The following DIAPH3 variants were observed in gnomAD, a reference collection of about 807,000 sequenced individuals.
DIAPH3 encodes the protein diaphanous related formin 3.
DIAPH3 carries 117 observed loss-of-function variants against 144.3 expected under a neutral mutation model. That is an observed-to-expected ratio of 0.81 (90% CI 0.70 to 0.95). The LOEUF (loss-of-function observed/expected upper bound fraction) is 0.95. DIAPH3 is among the 40% of genes least tolerant of loss of function. The pLI is 0.00. For missense variants in DIAPH3, 1,421 were observed against 1,412.7 expected, an observed-to-expected ratio of 1.01 and a Z score of -0.09; for synonymous variants, 519 against 488.9, an observed-to-expected ratio of 1.06 and a Z score of -0.81.
intron 24 of DIAPH3, among the ~76,000 whole-genome samples, chr13:59,827,550 G>A (rs2041513355): frequency 1.3e-5 from 2 of 152,008 alleles, no homozygotes; most frequent in Admixed American, 6.6e-5. Context: ...TTTGCTTAAG[G>A]AGATAAGAGT....
chr13:60,101,420 T>C (rs2058264889), intron 3 of DIAPH3, among the ~76,000 whole-genome samples: 2 of 152,148 alleles, frequency 1.3e-5, no homozygotes, highest in Non-Finnish European at 2.9e-5. Flanking sequence ...ACAATGGCCC[T>C]AAAGCAAGCT....
chr13:59,761,890 A>G (rs1593780876), intron 27 of DIAPH3, among the ~76,000 whole-genome samples: 1 of 152,038 alleles, frequency 6.6e-6, no homozygotes, highest in Admixed American at 6.6e-5. Context: ...GCTTCTGGTT[A>G]TATCTTAATA....
intron 27 of DIAPH3, among the ~76,000 whole-genome samples, chr13:59,737,154 C>A (rs1443859739): frequency 1.3e-5 from 2 of 152,118 alleles, no homozygotes; most frequent in Admixed American, 6.5e-5. Flanking sequence ...CAAATGGAAT[C>A]TAATTAAACT....
chr13:59,905,032 A>G (rs1258771107), intron 20 of DIAPH3, among the ~76,000 whole-genome samples: 1 of 152,108 alleles, frequency 6.6e-6, no homozygotes, highest in East Asian at 1.9e-4. Context: ...AAGAATCCTC[A>G]CTTATATTAT....
At chr13:59,851,722 A>C (rs2042985798) in intron 22 of DIAPH3, among the ~76,000 whole-genome samples, 1 of 148,758 alleles carries the variant, frequency 6.7e-6, no homozygotes, top group Non-Finnish European at 1.5e-5. Context: ...TCCCGGGTCC[A>C]AGTGATTCTC....
intron 16 of DIAPH3, among the ~76,000 whole-genome samples, chr13:59,970,474 A>C (rs1441819804): frequency 6.6e-6 from 1 of 152,128 alleles, no homozygotes; most frequent in African/African-American, 2.4e-5. Context: ...ACTAGTTAAC[A>C]CTTTCCCAAC....
chr13:59,805,043 T>C (rs1205391862), intron 25 of DIAPH3, among the ~76,000 whole-genome samples: 1 of 152,120 alleles, frequency 6.6e-6, no homozygotes, highest in Non-Finnish European at 1.5e-5. Flanking sequence ...TAAAAGCTAA[T>C]TATCTCTTTA....
chr13:59,805,685 TA>T (rs922063104), intron 25 of DIAPH3, among the ~76,000 whole-genome samples: 4 of 150,876 alleles, frequency 2.7e-5, no homozygotes, highest in African/African-American at 4.9e-5. Context: ...GTTCATCATT[TA>T]AAAAAAAATG....
intron 4 of DIAPH3, among the ~76,000 whole-genome samples, chr13:60,092,209 G>A (rs534378747): frequency 6.6e-6 from 1 of 151,966 alleles, no homozygotes; most frequent in East Asian, 1.9e-4. Context: ...GATTTCCAAG[G>A]TCAAGCAGAG....
chr13:59,822,857 T>C (rs916127362), intron 24 of DIAPH3, among the ~76,000 whole-genome samples: 1 of 152,182 alleles, frequency 6.6e-6, no homozygotes. Flanking sequence ...ATGAGAATAA[T>C]CTAGAAAAGG....
intron 1 of DIAPH3, among the ~76,000 whole-genome samples, chr13:60,151,068 A>C (rs548078625): frequency 6.6e-6 from 1 of 151,788 alleles, no homozygotes; most frequent in South Asian, 2.1e-4. Context: ...GTCCCTGGAC[A>C]CAATACCAGT....
rs191982169 is a variant in DIAPH3, at chr13:60,083,203, T to C, written c.495+10425A>G. Among the ~76,000 whole-genome samples, 56 of 152,096 alleles carry C rather than the reference T, an allele frequency of 3.7e-4. 1 individual carries two copies. The highest frequency in any genetic ancestry group is 1.3e-3 in the African/African-American group (53 of 41,508). On this transcript the variant is annotated intron_variant, in intron 4 of 27. Coordinates refer to ENST00000400324, the MANE Select transcript of DIAPH3 (RefSeq NM_001042517.2). ...ACAATTTGATCTTCACTAAAAATAA[T>C]TGTAACACATCAATTTTTAATGATA...
At chr13:59,955,574 G>A (rs1287584431) in intron 17 of DIAPH3, among the ~76,000 whole-genome samples, 1 of 152,094 alleles carries the variant, frequency 6.6e-6, no homozygotes, top group Non-Finnish European at 1.5e-5. Flanking sequence ...CTGCAGAGTG[G>A]GCGCTGCTGT....
intron 10 of DIAPH3, 104 bp downstream of exon 10, chr13:59,992,368 CT>C (rs1036172035): frequency 3.6e-5 from 41 of 1,150,936 alleles, no homozygotes; most frequent in Non-Finnish European, 4.9e-5. Context: ...TAACTCAAGC[CT>C]TTTCCCACAG....
chr13:59,700,069 C>T (rs992088610), intron 27 of DIAPH3, among the ~76,000 whole-genome samples: 3 of 152,176 alleles, frequency 2.0e-5, no homozygotes, highest in African/African-American at 4.8e-5. Flanking sequence ...TCTGAATGGA[C>T]ATTGCTTTTC....
chr13:60,055,129 C>A (rs936672823), intron 4 of DIAPH3, among the ~76,000 whole-genome samples: 13 of 151,824 alleles, frequency 8.6e-5, no homozygotes, highest in African/African-American at 2.7e-4. Context: ...TTAAAATTAC[C>A]AACTATATTT....
chr13:59,793,413 TCA>T (rs1376155408), intron 25 of DIAPH3, among the ~76,000 whole-genome samples: 1 of 152,178 alleles, frequency 6.6e-6, no homozygotes, highest in Non-Finnish European at 1.5e-5. Context: ...TACTCATATC[TCA>T]GTCTCATCTC....
intron 4 of DIAPH3, among the ~76,000 whole-genome samples, chr13:60,075,995 G>A (rs2057366998): frequency 6.6e-6 from 1 of 152,198 alleles, no homozygotes; most frequent in South Asian, 2.1e-4. Context: ...TGCACATGCA[G>A]GGGGTCCCCT....
At chr13:59,894,353 A>C (rs340221) in intron 20 of DIAPH3, among the ~76,000 whole-genome samples, 84,360 of 151,822 alleles carry the variant, frequency 0.56, 24,886 homozygotes, top group East Asian at 0.73. Context: ...CATAAAAAAA[A>C]TAGGCAGAAA....
Sources: gnomAD v4.1 joint callset for allele counts (sites outside exome capture counted in the v4.1 genomes callset) on GRCh38, gnomAD v4.1.1 for gene constraint, MANE v1.5 for transcripts, NCBI Gene and HGNC (gene_info 2026-07-23, HGNC 2026-07-21) for gene names.